The following MUC5AC variants were observed in gnomAD, a reference collection of about 807,000 sequenced individuals.
The protein encoded by MUC5AC is mucin 5AC, oligomeric mucus/gel-forming.
MUC5AC carries 158 observed loss-of-function variants against 169.7 expected under a neutral mutation model. The ratio of observed to expected loss-of-function variants is 0.93; its 90% CI spans 0.82 to 1.06. MUC5AC has a LOEUF of 1.06. Among genes scored for constraint, MUC5AC ranks in the 50% least tolerant of loss-of-function variants. MUC5AC has a pLI of 0.00. For synonymous variants in MUC5AC, 1,975 were observed against 1,237.0 expected (o/e 1.60, Z -12.52); for missense variants, 4,359 against 3,089.9 (o/e 1.41, Z -9.74).
chr11:1,171,083 C>T (rs1375155451), intron 15 of MUC5AC, among the ~76,000 whole-genome samples: 10 of 103,588 alleles, frequency 9.7e-5, no homozygotes, highest in Admixed American at 7.2e-4. Context: ...CACCCATTCA[C>T]ACACTCACCG....
rs768992469 is a variant in MUC5AC at position 1,192,856 on chromosome 11, G to A, written c.14454G>A (p.Val4818=). Reference sequence around the variant, plus strand: ...CCCTGTGTAGCCAGGACTGCCAAGTGGTCAGAGGGGTTGACAGTGACTGTC... The same window carrying A: ...CCCTGTGTAGCCAGGACTGCCAAGTAGTCAGAGGGGTTGACAGTGACTGTC... ...YYALCSQDCQ[V]VRGVDSDCPS... The change falls in exon 32 of 49, where the codon GTG becomes GTA. Residue 4818 remains valine, a synonymous_variant. Coordinates refer to ENST00000621226, the MANE Select transcript of MUC5AC (RefSeq NM_001304359.2). 2.6e-6 allele frequency: 2 copies of A among 764,882 alleles called. No homozygotes were observed. The highest frequency in any genetic ancestry group is 2.7e-5 in the South Asian group (2 of 74,600). 47.4% of individuals were successfully genotyped at this position (764,882 alleles called of 1,614,324 possible).
In MUC5AC at chr11:1,177,504, C is replaced by T. The variant is rs1166079948; in HGVS notation, c.2958C>T (p.Asp986=). 32 of 398,604 alleles carry T rather than the reference C, an allele frequency of 8.0e-5. No homozygotes were observed. In the Admixed American group the frequency reaches 1.0e-3, roughly 13 times the overall value. 24.7% of individuals were successfully genotyped at this position (398,604 alleles called of 1,614,324 possible). ...GGAAGGTGGAGGTGATCGGGACGGA[C>T]GAGAGCCAGGAGGTGCCATACACCA... is the stretch of plus-strand genomic sequence containing the variant. ...SHGKVEVIGT[D]ESQEVPYTIR... The change falls in exon 24 of 49, where the codon GAC becomes GAT. Residue 986 remains aspartate (D), a synonymous_variant. Transcript: ENST00000621226.
chr11:1,167,404 C>A (rs1415087696), intron 11 of MUC5AC, among the ~76,000 whole-genome samples: 1 of 152,242 alleles, frequency 6.6e-6, no homozygotes, highest in Non-Finnish European at 1.5e-5. Context: ...TATGATGATA[C>A]CCTGCGCTGG....
intron 1 of MUC5AC, 49 bp from the exon 2 acceptor site, chr11:1,160,563 C>T (rs768819862): frequency 7.2e-6 from 11 of 1,522,692 alleles, no homozygotes; most frequent in Admixed American, 3.6e-5. Context: ...CAGCCTGAGC[C>T]CCCTCAGCCA....
intron 1 of MUC5AC, among the ~76,000 whole-genome samples, chr11:1,159,539 G>GAC (rs1860066885): frequency 9.1e-4 from 6 of 6,590 alleles, no homozygotes; most frequent in East Asian, 3.6e-3. Context: ...GGTTCTGTGC[G>GAC]GGGCTGTGCG....
chr11:1,179,276 A>G, intron 26 of MUC5AC, 28 bp downstream of exon 26: 1 of 518,734 alleles, frequency 1.9e-6, no homozygotes, highest in South Asian at 2.8e-5. Context: ...CCTGGGGAAG[A>G]ACAGGAAGCG....
intron 1 of MUC5AC, among the ~76,000 whole-genome samples, chr11:1,159,099 C>G (rs1183043814): frequency 6.6e-6 from 1 of 152,038 alleles, no homozygotes; most frequent in Non-Finnish European, 1.5e-5. Flanking sequence ...GAGGCTCAGG[C>G]CGTCATCTCC....
Position 1,188,222 on chromosome 11 carries a change from C to T in MUC5AC, c.10077C>T (p.Thr3359=). The change falls in exon 31 of 49, where the codon ACC becomes ACT. Residue 3359 remains threonine, a synonymous_variant. Transcript: ENST00000621226. ...CCTCTTGGCAGAAATCCAGGACAACCACTTTGGTGACAACCAGCACAACCT... is the reference window on the plus strand; with the variant it reads ...CCTCTTGGCAGAAATCCAGGACAACTACTTTGGTGACAACCAGCACAACCT... The part of the protein sequence containing the change: ...STSSWQKSRT[T]TLVTTSTTST... 2.9e-6 allele frequency: 2 copies of T among 688,172 alleles called. No individual in the cohort carries two copies. The highest frequency in any genetic ancestry group is 2.1e-5 in the Admixed American group (1 of 48,412). 42.6% of individuals were successfully genotyped at this position (688,172 alleles called of 1,614,324 possible).
At position 1,185,238 on chromosome 11, in the gene MUC5AC, A is replaced by G; in HGVS notation, c.7093A>G (p.Thr2365Ala). ...AACCTCTGCCCCTACAACCAGCACA[A>G]CCTCTGCTCCTACAACCAGCACAAC... ...SITSAPTTST[T>A]SAPTTSTTSA... Residue 2365 changes from threonine (T) to alanine (A), a missense_variant, in exon 31 of 49, where the codon ACC becomes GCC. Thr to Ala is a moderately conservative substitution (Grantham distance 58). Coordinates refer to ENST00000621226, the MANE Select transcript of MUC5AC (RefSeq NM_001304359.2). 19 of 726,884 alleles carry G rather than the reference A, an allele frequency of 2.6e-5. No individual in the cohort carries two copies. The South Asian group carries it at 2.7e-4, about 10-fold the overall frequency. 45.0% of individuals were successfully genotyped at this position (726,884 alleles called of 1,614,324 possible).
intron 15 of MUC5AC, among the ~76,000 whole-genome samples, chr11:1,170,195 T>C (rs1379175999): frequency 1.6e-4 from 4 of 25,366 alleles, no homozygotes; most frequent in African/African-American, 3.2e-4. Flanking sequence ...ACCCATTCAC[T>C]CACTCACCCA....
chr11:1,168,753 C>T lies in MUC5AC; in HGVS notation c.1679C>T (p.Ala560Val), dbSNP rs368468145. Residue 560 changes from alanine to valine, a missense_variant, in exon 14 of 49, where the codon GCG (alanine) becomes GTG (valine). Physicochemically the swap from Ala to Val is moderately conservative, Grantham distance 64. Transcript: ENST00000621226. Reference protein sequence around the residue: ...VPTMQLFMQLAPKLRGQTCGL... With the variant: ...VPTMQLFMQLVPKLRGQTCGL... The stretch of plus-strand genomic sequence containing the variant: ...ACCATGCAGCTGTTCATGCAGCTGG[C>T]GCCCAAGCTCCGTGGGCAGACCTGC... The T allele has an allele frequency of 5.1e-5, 82 of 1,605,778 alleles. No individual in the cohort carries two copies. The highest frequency in any genetic ancestry group is 3.7e-4 in the African/African-American group (28 of 74,828).
chr11:1,192,737 T>C lies in MUC5AC; in HGVS notation c.14381-46T>C, dbSNP rs756072309. On this transcript the variant is annotated intron_variant, in intron 31 of 48. Coordinates refer to ENST00000621226, the MANE Select transcript of MUC5AC (RefSeq NM_001304359.2). Reference sequence around the variant, plus strand: ...GCTCTGGGAGTTTTTTGCTTCTCCTTTGAGCAGGACTCCACTAAAGGCTGC... The same window carrying C: ...GCTCTGGGAGTTTTTTGCTTCTCCTCTGAGCAGGACTCCACTAAAGGCTGC... 3 of 718,824 alleles carry C rather than the reference T, an allele frequency of 4.2e-6. No individual in the cohort carries two copies. In the Admixed American group the frequency reaches 5.8e-5, roughly 14 times the overall value. 44.5% of individuals were successfully genotyped at this position (718,824 alleles called of 1,614,324 possible). A position where few individuals can be genotyped will look rare whatever the true frequency, so the allele number is the denominator to read the frequency against.
At chr11:1,163,420 C>A (rs569357971) in intron 6 of MUC5AC, among the ~76,000 whole-genome samples, 74 of 152,340 alleles carry the variant, frequency 4.9e-4, no homozygotes, top group African/African-American at 1.7e-3. Flanking sequence ...CTGCCTCCCC[C>A]TGCCAGGCCC....
intron 30 of MUC5AC, 55 bp from the exon 31 acceptor site, chr11:1,182,100 G>GA (rs1860827958): frequency 2.5e-6 from 1 of 398,290 alleles, no homozygotes; most frequent in Non-Finnish European, 4.4e-6. Context: ...GGGAGGGGCG[G>GA]GCGGCCCCCA....
chr11:1,198,067 G>A (rs973843448), intron 42 of MUC5AC, 63 bp downstream of exon 42: 1 of 637,654 alleles, frequency 1.6e-6, no homozygotes, highest in Non-Finnish European at 2.9e-6. Context: ...TGGGATTTTG[G>A]GGGGCCATAA....
chr11:1,196,151 G>GT, intron 37 of MUC5AC, 97 bp downstream of exon 37: 3 of 632,156 alleles, frequency 4.7e-6, no homozygotes, highest in Non-Finnish European at 8.5e-6. Flanking sequence ...GTCAGGGGGG[G>GT]ACCTGGAGGA....
rs1183800471 is a variant in MUC5AC, at chr11:1,190,353, C to T, written c.12208C>T (p.Pro4070Ser). The T allele has an allele frequency of 1.5e-6, 1 of 656,430 alleles. No homozygotes were observed. The highest frequency in any genetic ancestry group is 1.8e-5 in the African/African-American group (1 of 55,652). The allele number at this position is 656,430 out of a possible 1,614,324, so 40.7% of individuals were successfully genotyped here. Reference protein sequence around the residue: ...TSTPVTAPSTPSGRATSPTQS... With the variant: ...TSTPVTAPSTSSGRATSPTQS... Reference sequence around the variant, plus strand: ...CACACCTGTGACAGCTCCTAGCACCCCTAGTGGGAGAGCCACCAGCCCAAC... The same window carrying T: ...CACACCTGTGACAGCTCCTAGCACCTCTAGTGGGAGAGCCACCAGCCCAAC... The change falls in exon 31 of 49, where the codon CCT becomes TCT. Residue 4070 changes from proline (P) to serine (S), a missense_variant. Physicochemically the swap from Pro to Ser is moderately conservative, Grantham distance 74. Coordinates refer to ENST00000621226, the MANE Select transcript of MUC5AC (RefSeq NM_001304359.2).
At chr11:1,199,632 T>A in intron 46 of MUC5AC, 63 bp from the exon 47 acceptor site, 1 of 699,282 alleles carries the variant, frequency 1.4e-6, no homozygotes. Flanking sequence ...CATGTCCCCA[T>A]CCCTCACTTC....
chr11:1,168,697 G>A lies in MUC5AC; in HGVS notation c.1623G>A (p.Leu541=). 1 of 1,610,954 alleles carries A rather than the reference G, an allele frequency of 6.2e-7. No homozygotes were observed. ...TCTTCATCATCGCCCAGACCAGCCT[G>A]GGCCTGCAGCTGAACCTGCAGCTGG... ...STFFIIAQTS[L]GLQLNLQLVP... is the part of the protein sequence containing the mutation. Residue 541 remains leucine (L), a synonymous_variant, in exon 14 of 49, where the codon CTG becomes CTA. Coordinates refer to ENST00000621226, the MANE Select transcript of MUC5AC (RefSeq NM_001304359.2).
Sources: gnomAD v4.1 joint callset for allele counts (sites outside exome capture counted in the v4.1 genomes callset) on GRCh38, gnomAD v4.1.1 for gene constraint, MANE v1.5 for transcripts, NCBI Gene and HGNC (gene_info 2026-07-23, HGNC 2026-07-21) for gene names.